Variants in TENM2 observed in about 807,000 individuals in gnomAD.
TENM2 encodes the protein teneurin transmembrane protein 2.
In TENM2, 52 loss-of-function variants were observed where a neutral mutation model predicts 245.2. The ratio of observed to expected loss-of-function variants is 0.21; its 90% CI spans 0.17 to 0.27. The LOEUF is 0.27. Among genes scored for constraint, TENM2 ranks in the 10% least tolerant of loss-of-function variants. TENM2 has a pLI of 1.00. For missense variants in TENM2, 3,046 were observed against 3,666.8 expected (o/e 0.83, Z 4.37); for synonymous variants, 1,363 against 1,438.9 (o/e 0.95, Z 1.19).
At chr5:167,115,156 G>A in the TENM2 span, among the ~76,000 whole-genome samples, 3 of 152,126 alleles carry the variant, frequency 2.0e-5, no homozygotes, top group Non-Finnish European at 2.9e-5. Context: ...AGTTGAATTT[G>A]CACAATAAAG....
chr5:167,933,964 T>A (rs1342979360), intron 3 of TENM2, among the ~76,000 whole-genome samples: 1 of 152,180 alleles, frequency 6.6e-6, no homozygotes, highest in Non-Finnish European at 1.5e-5. Context: ...AATGAATAAG[T>A]GTGAAAATGA....
chr5:167,555,102 C>T (rs1773184915), intron 2 of TENM2, among the ~76,000 whole-genome samples: 1 of 152,194 alleles, frequency 6.6e-6, no homozygotes, highest in South Asian at 2.1e-4. Flanking sequence ...CACACACACA[C>T]ATGCATACAC....
chr5:168,033,229 G>A (rs1184557647), intron 5 of TENM2: 1 of 152,158 alleles, frequency 6.6e-6, no homozygotes, highest in African/African-American at 2.4e-5. Flanking sequence ...ATTTTAAAAT[G>A]TAGTTAAGAA....
chr5:167,607,433 G>A (rs1441869236), intron 2 of TENM2, among the ~76,000 whole-genome samples: 1 of 152,152 alleles, frequency 6.6e-6, no homozygotes, highest in Admixed American at 6.6e-5. Context: ...AAAACAGGGA[G>A]CATTTCACAG....
intron 27 of TENM2, among the ~76,000 whole-genome samples, chr5:168,258,440 G>A (rs1581794215): frequency 6.6e-6 from 1 of 152,126 alleles, no homozygotes; most frequent in African/African-American, 2.4e-5. Flanking sequence ...GGCGGAGGTT[G>A]CAGTGAGCCG....
intron 4 of TENM2, among the ~76,000 whole-genome samples, chr5:167,964,695 T>C (rs549573901): frequency 1.3e-5 from 2 of 151,872 alleles, no homozygotes; most frequent in African/African-American, 4.8e-5. Context: ...CCCTTAAGGA[T>C]GAGTAGGGGT....
chr5:167,960,815 G>C (rs1236362048), intron 4 of TENM2, among the ~76,000 whole-genome samples: 2 of 152,186 alleles, frequency 1.3e-5, no homozygotes, highest in African/African-American at 4.8e-5. Flanking sequence ...TTGAAACCCA[G>C]GGCCCTGGTG....
chr5:167,827,655 G>A (rs1034004604), intron 2 of TENM2, among the ~76,000 whole-genome samples: 2 of 145,406 alleles, frequency 1.4e-5, no homozygotes, highest in Admixed American at 7.0e-5. Context: ...TTTAATGAGC[G>A]TGAATGAAAT....
intron 3 of TENM2, among the ~76,000 whole-genome samples, chr5:167,928,946 G>GAAAAGAAAT (rs1296176287): frequency 9.5e-6 from 1 of 105,138 alleles, no homozygotes; most frequent in Non-Finnish European, 2.0e-5. Context: ...GAAAGAAAAA[G>GAAAAGAAAT]AAAAGAAATA....
chr5:167,516,090 A>G (rs1034258941), intron 2 of TENM2, among the ~76,000 whole-genome samples: 10 of 152,112 alleles, frequency 6.6e-5, no homozygotes, highest in Admixed American at 4.6e-4. Flanking sequence ...TTTTTGTATC[A>G]AAACTGTTGC....
the TENM2 span, among the ~76,000 whole-genome samples, chr5:167,258,215 G>GTGTGTATATATATA: frequency 1.7e-4 from 21 of 122,890 alleles, no homozygotes; most frequent in African/African-American, 6.6e-4. Context: ...ATATATATAT[G>GTGTGTATATATATA]TATATATATA....
chr5:167,210,793 AT>A, the TENM2 span, among the ~76,000 whole-genome samples: 1 of 152,126 alleles, frequency 6.6e-6, no homozygotes, highest in Non-Finnish European at 1.5e-5. Flanking sequence ...CTTCCTCTAC[AT>A]GCATTTTCTA....
chr5:167,725,622 T>C (rs1429340744), intron 2 of TENM2, among the ~76,000 whole-genome samples: 4 of 152,218 alleles, frequency 2.6e-5, no homozygotes, highest in African/African-American at 9.6e-5. Context: ...AGCTTCCCAA[T>C]TGGATCTTTT....
At chr5:167,578,266 G>T (rs1280293727) in intron 2 of TENM2, among the ~76,000 whole-genome samples, 1 of 152,216 alleles carries the variant, frequency 6.6e-6, no homozygotes, top group Non-Finnish European at 1.5e-5. Context: ...CGGAGGTATT[G>T]CTACCAGTAG....
intron 24 of TENM2, 147 bp downstream of exon 26, chr5:168,226,410 C>A: frequency 1.5e-6 from 1 of 665,624 alleles, no homozygotes; most frequent in Non-Finnish European, 2.6e-6. Flanking sequence ...GTGTCCACAG[C>A]AAACTATAAG....
intron 2 of TENM2, among the ~76,000 whole-genome samples, chr5:167,543,010 AATCAGT>A (rs1772313670): frequency 6.6e-6 from 1 of 152,166 alleles, no homozygotes; most frequent in Non-Finnish European, 1.5e-5. Context: ...TGACCAGCAC[AATCAGT>A]ATCACCTAGG....
intron 1 of TENM2, among the ~76,000 whole-genome samples, chr5:167,337,761 G>A (rs910817973): frequency 1.3e-5 from 2 of 152,192 alleles, no homozygotes; most frequent in Admixed American, 6.5e-5. Context: ...GTGATGTCAA[G>A]GAGTGGTATG....
chr5:167,387,937 C>T (rs1217392176), intron 2 of TENM2, among the ~76,000 whole-genome samples: 6 of 151,950 alleles, frequency 3.9e-5, no homozygotes, highest in African/African-American at 9.7e-5. Flanking sequence ...TTGTTAAGGA[C>T]TTTAATATTT....
chr5:168,243,473 G>A (rs1248463649), intron 25 of TENM2, among the ~76,000 whole-genome samples: 1 of 152,148 alleles, frequency 6.6e-6, no homozygotes, highest in Non-Finnish European at 1.5e-5. Flanking sequence ...ATATTAGAAG[G>A]AAAGAAGTTC....
Sources: allele counts gnomAD v4.1 joint callset (sites outside exome capture counted in the v4.1 genomes callset), GRCh38; gene constraint gnomAD v4.1.1; transcripts MANE v1.5; gene names NCBI Gene and HGNC (gene_info 2026-07-23, HGNC 2026-07-21).